The following LPIN1 variants were observed in gnomAD, a reference collection of about 807,000 sequenced individuals.
LPIN1 encodes the protein phosphatidate phosphatase LPIN1.
LPIN1 carries 71 observed loss-of-function variants against 107.5 expected under a neutral mutation model. The ratio of observed to expected loss-of-function variants is 0.66; its 90% CI spans 0.55 to 0.80. LPIN1 has a LOEUF of 0.80. LPIN1 is among the 30% of genes least tolerant of loss of function. The pLI is 0.00. For synonymous variants in LPIN1, 445 were observed against 452.6 expected, an observed-to-expected ratio of 0.98 and a Z score of 0.21; for missense variants, 1,043 against 1,160.6, an observed-to-expected ratio of 0.90 and a Z score of 1.47.
intron 8 of LPIN1, among the ~76,000 whole-genome samples, 175 bp from the exon 9 acceptor site, chr2:11,783,654 C>T (rs1248222019): frequency 1.3e-5 from 2 of 152,234 alleles, no homozygotes; most frequent in Admixed American, 1.3e-4. Flanking sequence ...AAGCTCTTGC[C>T]ATTCTGTTTT....
rs370659392 is a variant in LPIN1 at position 11,787,116 on chromosome 2, A to G, written c.1592A>G (p.Asp531Gly). Residue 531 changes from aspartate (D) to glycine (G), a missense_variant, in exon 11 of 21, where the codon GAC (aspartate) becomes GGC (glycine). Physicochemically the swap from Asp to Gly is moderately conservative, Grantham distance 94. Coordinates refer to ENST00000674199, the MANE Select transcript of LPIN1 (RefSeq NM_001349206.2). ...EQAVSYQQFVDNPAIIDDPNL... is the reference protein window; with the variant it reads ...EQAVSYQQFVGNPAIIDDPNL... Reference sequence around the variant, plus strand: ...GCTGTGTCATATCAACAGTTTGTGGACAACCCCGCTATTATCGATGACCCC... The same window carrying G: ...GCTGTGTCATATCAACAGTTTGTGGGCAACCCCGCTATTATCGATGACCCC... 1.2e-6 allele frequency: 2 copies of G among 1,614,172 alleles called. No homozygotes were observed. Among genetic ancestry groups the G allele is most frequent in the Non-Finnish European group, 1.7e-6 (2 of 1,179,986 alleles).
rs1682175576 is a variant in LPIN1, at chr2:11,824,921, T to C, written c.*130T>C. The C allele has an allele frequency of 3.8e-6, 4 of 1,055,176 alleles. No homozygotes were observed. The highest frequency in any genetic ancestry group is 5.6e-6 in the Non-Finnish European group (4 of 708,748). The allele number at this position is 1,055,176 out of a possible 1,614,324, so 65.4% of individuals were successfully genotyped here. On this transcript the variant is annotated 3_prime_UTR_variant, in exon 21 of 21. Coordinates refer to ENST00000674199, the MANE Select transcript of LPIN1 (RefSeq NM_001349206.2). Reference sequence around the variant, plus strand: ...ATCATTGGCCTGACAGCAGAGAGAATTGAGAAGCATTTCTCCCCTGCCCCA... The same window carrying C: ...ATCATTGGCCTGACAGCAGAGAGAACTGAGAAGCATTTCTCCCCTGCCCCA...
Position 11,795,463 on chromosome 2 carries a change from C to G in LPIN1, c.1862C>G (p.Pro621Arg). Residue 621 changes from proline to arginine, a missense_variant, in exon 14 of 21, where the codon CCG (proline) becomes CGG (arginine). Coordinates refer to ENST00000674199, the MANE Select transcript of LPIN1 (RefSeq NM_001349206.2). The part of the protein sequence containing the change: ...AGKAHSTGEQ[P>R]PQLSLATRVK... ...AAGGCCCATAGCACCGGAGAGCAAC[C>G]GCCGCAGCTCAGCTTGGCCACCAGG... 2.5e-6 allele frequency: 4 copies of G among 1,614,122 alleles called. No individual in the cohort carries two copies. The highest frequency in any genetic ancestry group is 3.4e-6 in the Non-Finnish European group (4 of 1,180,022).
At chr2:11,690,227 T>G (rs374952178) in intron 1 of LPIN1, among the ~76,000 whole-genome samples, 6 of 152,378 alleles carry the variant, frequency 3.9e-5, no homozygotes, top group African/African-American at 1.4e-4. Flanking sequence ...TTCTAGGGAC[T>G]GTCTATGGAA....
At position 11,795,480 on chromosome 2, in the gene LPIN1, G is replaced by T; in HGVS notation, c.1879G>T (p.Ala627Ser). The T allele has an allele frequency of 6.2e-7, 1 of 1,614,108 alleles. No individual in the cohort carries two copies. Among genetic ancestry groups the T allele is most frequent in the Non-Finnish European group, 8.5e-7 (1 of 1,179,998 alleles). Residue 627 changes from alanine to serine, a missense_variant, in exon 14 of 21, where the codon GCC (alanine) becomes TCC (serine). Physicochemically the swap from Ala to Ser is moderately conservative, Grantham distance 99. Transcript: ENST00000674199. The stretch of plus-strand genomic sequence containing the variant: ...AGAGCAACCGCCGCAGCTCAGCTTG[G>T]CCACCAGGTGCGGTAGGAGGCTTCT... ...TGEQPPQLSLATRVKHESSSS... is the reference protein window; with the variant it reads ...TGEQPPQLSLSTRVKHESSSS...
intron 1 of LPIN1, among the ~76,000 whole-genome samples, chr2:11,705,000 T>A (rs1237537247): frequency 6.6e-6 from 1 of 152,210 alleles, no homozygotes; most frequent in African/African-American, 2.4e-5. Context: ...TTGTGGGAAC[T>A]TCCACTGGTT....
At chr2:11,737,330 A>G (rs538831040) in intron 1 of LPIN1, among the ~76,000 whole-genome samples, 1 of 152,322 alleles carries the variant, frequency 6.6e-6, no homozygotes, top group Non-Finnish European at 1.5e-5. Flanking sequence ...ATGGGCAAAG[A>G]CTTCATGAGT....
chr2:11,808,833 T>C (rs892346741), intron 17 of LPIN1, among the ~76,000 whole-genome samples: 3 of 146,480 alleles, frequency 2.0e-5, no homozygotes, highest in African/African-American at 7.7e-5. Context: ...ATCGCACCAT[T>C]GCACTCCAGC....
intron 1 of LPIN1, among the ~76,000 whole-genome samples, chr2:11,748,627 C>G (rs1049072867): frequency 2.0e-5 from 3 of 152,168 alleles, no homozygotes; most frequent in African/African-American, 7.2e-5. Context: ...TCCTGGCTGA[C>G]GCCGGCCTCT....
intron 1 of LPIN1, among the ~76,000 whole-genome samples, chr2:11,764,556 G>A (rs995963619): frequency 3.3e-5 from 5 of 152,314 alleles, no homozygotes; most frequent in Admixed American, 6.5e-5. Context: ...GAGGAGAGAT[G>A]GCCTGAATGT....
intron 2 of LPIN1, among the ~76,000 whole-genome samples, chr2:11,718,580 A>G (rs562143706): frequency 6.6e-6 from 1 of 152,282 alleles, no homozygotes; most frequent in South Asian, 2.1e-4. Context: ...AGTTGGGTTG[A>G]ATTTAGAATT....
chr2:11,791,566 A>C (rs1675729297), intron 12 of LPIN1: 2 of 812,420 alleles, frequency 2.5e-6, no homozygotes, highest in South Asian at 3.7e-5. Flanking sequence ...GAGAGTAATG[A>C]TATCTTAACC....
chr2:11,737,576 G>T (rs186567448), intron 1 of LPIN1, among the ~76,000 whole-genome samples: 1 of 152,220 alleles, frequency 6.6e-6, no homozygotes, highest in East Asian at 1.9e-4. Flanking sequence ...GTGGGCAAAG[G>T]ATATGAACAG....
chr2:11,719,632 A>C (rs1263883322), upstream of LPIN1, among the ~76,000 whole-genome samples: 2 of 152,176 alleles, frequency 1.3e-5, no homozygotes, highest in African/African-American at 4.8e-5. Context: ...GAGTAAACGG[A>C]AAATAAATGC....
At chr2:11,711,109 T>C (rs557056101) in intron 1 of LPIN1, among the ~76,000 whole-genome samples, 14 of 152,312 alleles carry the variant, frequency 9.2e-5, no homozygotes, top group African/African-American at 3.4e-4. Context: ...CTGGCAGCCT[T>C]CCTAGCCTAC....
intron 1 of LPIN1, among the ~76,000 whole-genome samples, chr2:11,696,693 A>G (rs1028055397): frequency 4.6e-5 from 7 of 152,132 alleles, no homozygotes; most frequent in African/African-American, 9.7e-5. Context: ...GACTGCCTAC[A>G]TGGTGATGCA....
At chr2:11,685,022 G>A (rs1661929309) in intron 1 of LPIN1, among the ~76,000 whole-genome samples, 3 of 152,194 alleles carry the variant, frequency 2.0e-5, no homozygotes, top group Non-Finnish European at 4.4e-5. Context: ...ATGCATGTCA[G>A]ATGGGGAGAG....
intron 1 of LPIN1, among the ~76,000 whole-genome samples, chr2:11,763,713 T>C (rs991868278): frequency 6.6e-6 from 1 of 152,012 alleles, no homozygotes; most frequent in Non-Finnish European, 1.5e-5. Context: ...GGTTTCGCAC[T>C]CTCCATTCTT....
intron 16 of LPIN1, 57 bp downstream of exon 16, chr2:11,804,628 T>C: frequency 6.3e-7 from 1 of 1,589,960 alleles, no homozygotes; most frequent in Non-Finnish European, 8.6e-7. Flanking sequence ...CGTGGGGGTC[T>C]CTGGGCCTGG....
Sources: gnomAD v4.1 joint callset for allele counts (sites outside exome capture counted in the v4.1 genomes callset) on GRCh38, gnomAD v4.1.1 for gene constraint, MANE v1.5 for transcripts, NCBI Gene and HGNC (gene_info 2026-07-23, HGNC 2026-07-21) for gene names.